The following LHFPL3 variants were observed in gnomAD, a reference collection of about 807,000 sequenced individuals.
The protein encoded by LHFPL3 is LHFPL tetraspan subfamily member 3 protein.
LHFPL3 carries 5 observed loss-of-function variants against 19.3 expected under a neutral mutation model. That is an observed-to-expected ratio of 0.26 (90% CI 0.14 to 0.54). LHFPL3 has a LOEUF of 0.54. LHFPL3 is among the 20% of genes least tolerant of loss of function. The pLI is 0.94. For synonymous variants in LHFPL3, 133 were observed against 126.2 expected, an observed-to-expected ratio of 1.05 and a Z score of -0.36; for missense variants, 249 against 307.4, an observed-to-expected ratio of 0.81 and a Z score of 1.42.
chr7:104,708,776 A>T lies in LHFPL3; in HGVS notation c.446-27899A>T, dbSNP rs560477852. On this transcript the variant is annotated intron_variant, in intron 1 of 2. Coordinates refer to ENST00000424859, the MANE Select transcript of LHFPL3 (RefSeq NM_199000.3). ...GATCTGGGACTAAAAATGTTAAATT[A>T]TATGTTGTTACACTTGATAGCCTCT... Among the ~76,000 whole-genome samples, 9 of 152,266 alleles carry T rather than the reference A, an allele frequency of 5.9e-5. No homozygotes were observed. The East Asian group carries it at 9.6e-4, about 16-fold the overall frequency.
intron 2 of LHFPL3, among the ~76,000 whole-genome samples, chr7:104,854,174 A>C (rs1196757244): frequency 6.6e-6 from 1 of 152,226 alleles, no homozygotes; most frequent in African/African-American, 2.4e-5. Flanking sequence ...CTTTAAGTTC[A>C]GGCTTAAATA....
At chr7:104,734,011 G>T (rs1041039360) in intron 1 of LHFPL3, among the ~76,000 whole-genome samples, 3 of 152,162 alleles carry the variant, frequency 2.0e-5, no homozygotes, top group Non-Finnish European at 2.9e-5. Flanking sequence ...GAAATTCTGG[G>T]TTGAAAATTC....
intron 1 of LHFPL3, among the ~76,000 whole-genome samples, chr7:104,385,667 T>TATTTATTTATTC (rs5886309): frequency 2.0e-5 from 3 of 151,526 alleles, no homozygotes; most frequent in Non-Finnish European, 2.9e-5. Context: ...CATGGCAATT[T>TATTTATTTATTC]ATTCATTCAT....
At chr7:104,429,230 G>C (rs1031971988) in intron 1 of LHFPL3, among the ~76,000 whole-genome samples, 2 of 150,592 alleles carry the variant, frequency 1.3e-5, no homozygotes, top group Non-Finnish European at 2.9e-5. Context: ...AAAAATACCA[G>C]AGCGTAGCAA....
chr7:104,461,508 G>A (rs1338485936), intron 1 of LHFPL3, among the ~76,000 whole-genome samples: 1 of 152,142 alleles, frequency 6.6e-6, no homozygotes, highest in East Asian at 1.9e-4. Context: ...AAGATCAGAT[G>A]GTTATAAGTA....
At chr7:104,904,388 T>C (rs772300407) in intron 2 of LHFPL3, among the ~76,000 whole-genome samples, 10 of 152,220 alleles carry the variant, frequency 6.6e-5, no homozygotes, top group Non-Finnish European at 1.5e-4. Context: ...CAGTGGCTCA[T>C]GCCTATAATC....
chr7:104,655,010 C>T (rs946747596), intron 1 of LHFPL3, among the ~76,000 whole-genome samples: 6 of 152,164 alleles, frequency 3.9e-5, no homozygotes, highest in Non-Finnish European at 7.4e-5. Flanking sequence ...TCCTACAGCT[C>T]CTGCCATCCC....
intron 1 of LHFPL3, among the ~76,000 whole-genome samples, chr7:104,520,784 G>A (rs1190261160): frequency 8.1e-5 from 11 of 135,452 alleles, no homozygotes; most frequent in East Asian, 6.2e-4. Flanking sequence ...CTGTGGGATC[G>A]GTGGTGATAT....
At chr7:104,614,430 C>T (rs1382289127) in intron 1 of LHFPL3, among the ~76,000 whole-genome samples, 1 of 152,084 alleles carries the variant, frequency 6.6e-6, no homozygotes, top group Non-Finnish European at 1.5e-5. Flanking sequence ...TTGTTTACCA[C>T]CTTGTTCTTA....
At chr7:104,766,878 C>T (rs1309785985) in intron 2 of LHFPL3, among the ~76,000 whole-genome samples, 1 of 152,194 alleles carries the variant, frequency 6.6e-6, no homozygotes, top group Non-Finnish European at 1.5e-5. Context: ...TTGATGGACA[C>T]CAAACCCAAA....
intron 1 of LHFPL3, among the ~76,000 whole-genome samples, chr7:104,493,395 G>C (rs2115700665): frequency 6.6e-6 from 1 of 151,616 alleles, no homozygotes; most frequent in South Asian, 2.1e-4. Flanking sequence ...TAGTATCAGA[G>C]TTTCATTGTC....
rs114452246 is a variant in LHFPL3 at position 104,370,463 on chromosome 7, G to C, written c.445+41239G>C. On this transcript the variant is annotated intron_variant, in intron 1 of 2. Transcript: ENST00000424859. ...AAAAAGAGAGCAGGGTGGCAAAGCA[G>C]AAATGTGACTTCCAGAGTCCCAGCC... Among the ~76,000 whole-genome samples the C allele has an allele frequency of 7.7e-3, 1,168 of 152,304 alleles. 18 individuals are homozygous for C. Among genetic ancestry groups the C allele is most frequent in the African/African-American group, 0.027 (1,107 of 41,570 alleles).
chr7:104,429,543 T>C (rs1459905501), intron 1 of LHFPL3, among the ~76,000 whole-genome samples: 1 of 151,762 alleles, frequency 6.6e-6, no homozygotes, highest in Non-Finnish European at 1.5e-5. Context: ...CTCAAACTGC[T>C]GACATCAGAT....
At chr7:104,661,385 T>A (rs1354028369) in intron 1 of LHFPL3, among the ~76,000 whole-genome samples, 1 of 152,190 alleles carries the variant, frequency 6.6e-6, no homozygotes, top group Admixed American at 6.5e-5. Flanking sequence ...CTGAACTGAC[T>A]CATTTTGGAC....
intron 2 of LHFPL3, among the ~76,000 whole-genome samples, chr7:104,763,302 C>T (rs764985917): frequency 5.9e-5 from 9 of 152,166 alleles, no homozygotes; most frequent in Non-Finnish European, 8.8e-5. Flanking sequence ...CCAGATATCT[C>T]GTTCCAAGAA....
chr7:104,346,484 A>T (rs966422375), intron 1 of LHFPL3, among the ~76,000 whole-genome samples: 2 of 152,122 alleles, frequency 1.3e-5, no homozygotes, highest in East Asian at 3.9e-4. Flanking sequence ...CCATTGCTCA[A>T]TGGGGAACAG....
chr7:104,552,923 GTTAC>G (rs1794690134), intron 1 of LHFPL3, among the ~76,000 whole-genome samples: 1 of 152,146 alleles, frequency 6.6e-6, no homozygotes, highest in African/African-American at 2.4e-5. Flanking sequence ...ACCTTGGCAT[GTTAC>G]TTAATTTCTT....
chr7:104,614,163 A>G (rs926983417), intron 1 of LHFPL3, among the ~76,000 whole-genome samples: 1 of 152,206 alleles, frequency 6.6e-6, no homozygotes, highest in Non-Finnish European at 1.5e-5. Flanking sequence ...ATAATCAGGA[A>G]GAAACTTATC....
chr7:104,345,000 C>T (rs979522), intron 1 of LHFPL3, among the ~76,000 whole-genome samples: 83,215 of 151,982 alleles, frequency 0.55, 23,612 homozygotes, highest in East Asian at 0.71. Flanking sequence ...GTTTTTGGAA[C>T]GTTTAATAGA....
Sources: allele counts gnomAD v4.1 joint callset (sites outside exome capture counted in the v4.1 genomes callset), GRCh38; gene constraint gnomAD v4.1.1; transcripts MANE v1.5; gene names NCBI Gene and HGNC (gene_info 2026-07-23, HGNC 2026-07-21).